Variants in APBB2 observed in about 807,000 individuals in gnomAD.
The protein encoded by APBB2 is Fe65-like 1.
In APBB2, 38 loss-of-function variants were observed where a neutral mutation model predicts 82.5. The observed-to-expected ratio is 0.46, with a 90% CI of 0.36 to 0.60. APBB2 has a LOEUF of 0.60. Ranked by LOEUF, APBB2 falls within the 20% of genes least tolerant of loss-of-function variation. The pLI, the probability that APBB2 is intolerant of heterozygous loss-of-function variation, is 0.00. For missense variants in APBB2, 772 were observed against 972.3 expected (o/e 0.79, Z 2.74); for synonymous variants, 341 against 368.2 (o/e 0.93, Z 0.85).
intron 6 of APBB2, among the ~76,000 whole-genome samples, chr4:40,956,977 A>T (rs557918556): frequency 6.6e-6 from 1 of 152,350 alleles, no homozygotes; most frequent in South Asian, 2.1e-4. Flanking sequence ...GGAGCTCTGT[A>T]GCCACACCAA....
chr4:40,864,159 CAGG>C (rs1283408706), intron 12 of APBB2, among the ~76,000 whole-genome samples: 3 of 151,972 alleles, frequency 2.0e-5, no homozygotes, highest in Admixed American at 6.6e-5. Flanking sequence ...GAGGCTGAGG[CAGG>C]AGAATTGCTT....
intron 2 of APBB2, among the ~76,000 whole-genome samples, chr4:41,101,709 C>G (rs1745508086): frequency 6.6e-6 from 1 of 151,996 alleles, no homozygotes; most frequent in African/African-American, 2.4e-5. Context: ...CCTATAATCC[C>G]AGCACTTTGG....
chr4:40,938,994 G>C (rs537866731), intron 7 of APBB2, among the ~76,000 whole-genome samples: 1 of 152,212 alleles, frequency 6.6e-6, no homozygotes, highest in Admixed American at 6.5e-5. Context: ...ATCAGAAGAG[G>C]AAGAGAGACC....
At chr4:41,065,102 C>A (rs1166886536) in intron 4 of APBB2, among the ~76,000 whole-genome samples, 1 of 152,052 alleles carries the variant, frequency 6.6e-6, no homozygotes, top group Admixed American at 6.6e-5. Context: ...GCCTGGGCAA[C>A]ACAGCAAGAC....
intron 6 of APBB2, among the ~76,000 whole-genome samples, chr4:41,000,724 T>C (rs1804972410): frequency 6.6e-6 from 1 of 152,152 alleles, no homozygotes; most frequent in South Asian, 2.1e-4. Flanking sequence ...GGTTAACATA[T>C]CACATTCCAG....
chr4:40,900,157 A>C (rs1018640420), intron 10 of APBB2, among the ~76,000 whole-genome samples: 4 of 152,266 alleles, frequency 2.6e-5, no homozygotes, highest in African/African-American at 9.6e-5. Flanking sequence ...CCTAATTAAC[A>C]GTCATCTATG....
intron 6 of APBB2, among the ~76,000 whole-genome samples, chr4:41,012,983 G>A (rs1362454608): frequency 6.6e-6 from 1 of 152,202 alleles, no homozygotes; most frequent in East Asian, 1.9e-4. Context: ...AATTAGACTA[G>A]TTAAAAGTCT....
intron 4 of APBB2, among the ~76,000 whole-genome samples, chr4:41,059,991 T>TA (rs1425335343): frequency 6.7e-6 from 1 of 149,182 alleles, no homozygotes; most frequent in South Asian, 2.1e-4. Context: ...CAAAAAAAAA[T>TA]AAAATAATAA....
rs532052924 is a variant in APBB2, at chr4:41,077,155, C to A, written c.-148-11482G>T. On this transcript the variant is annotated intron_variant, in intron 3 of 17. Coordinates refer to ENST00000508593, the MANE Select transcript of APBB2 (RefSeq NM_004307.2). ...GAGTAACTAGGACTACAGGCGCATA[C>A]CACCACACCCAGCTAATTTTTTTTT... Among the ~76,000 whole-genome samples the A allele has an allele frequency of 4.7e-5, 7 of 150,488 alleles. No individual in the cohort carries two copies. The South Asian group carries it at 1.5e-3, about 32-fold the overall frequency.
intron 3 of APBB2, among the ~76,000 whole-genome samples, chr4:41,067,638 A>G (rs1055606951): frequency 1.3e-5 from 2 of 152,234 alleles, no homozygotes; most frequent in African/African-American, 4.8e-5. Flanking sequence ...GAGAACACAC[A>G]TAACAGAATG....
At chr4:40,995,453 A>T (rs1803371776) in intron 6 of APBB2, among the ~76,000 whole-genome samples, 1 of 151,884 alleles carries the variant, frequency 6.6e-6, no homozygotes, top group Non-Finnish European at 1.5e-5. Flanking sequence ...ATAGTTTCAA[A>T]TGCCAGGGTC....
chr4:40,913,553 A>G (rs955734458), intron 10 of APBB2, among the ~76,000 whole-genome samples: 1 of 152,136 alleles, frequency 6.6e-6, no homozygotes, highest in African/African-American at 2.4e-5. Context: ...TACTTGCTAA[A>G]GTTTATTTGT....
At chr4:40,870,446 C>T (rs577693816) in intron 12 of APBB2, among the ~76,000 whole-genome samples, 41 of 152,336 alleles carry the variant, frequency 2.7e-4, no homozygotes, top group African/African-American at 9.9e-4. Context: ...CAGTGTGTAA[C>T]TGGCTCAGGG....
intron 3 of APBB2, among the ~76,000 whole-genome samples, chr4:41,067,225 C>G (rs1156359300): frequency 2.0e-5 from 3 of 152,114 alleles, no homozygotes; most frequent in Non-Finnish European, 4.4e-5. Context: ...GCCTGACCAA[C>G]AGGGAGAAAC....
chr4:41,023,057 AAATTCTTACTC>A (rs59064970), intron 5 of APBB2, among the ~76,000 whole-genome samples: 2,244 of 152,318 alleles, frequency 0.015, 56 homozygotes, highest in African/African-American at 0.049. Context: ...CAGCTCAAAT[AAATTCTTACTC>A]AACTCTACCG....
At chr4:41,178,912 T>C (rs1441975270) in intron 1 of APBB2, among the ~76,000 whole-genome samples, 1 of 152,194 alleles carries the variant, frequency 6.6e-6, no homozygotes, top group Non-Finnish European at 1.5e-5. Context: ...CCTCTGCAGT[T>C]TTTACACTTC....
chr4:40,912,461 C>T (rs1019689651), intron 10 of APBB2, among the ~76,000 whole-genome samples: 3 of 152,076 alleles, frequency 2.0e-5, no homozygotes, highest in African/African-American at 7.2e-5. Flanking sequence ...CCTGTAATCC[C>T]AGATACTCAG....
chr4:40,895,470 C>A (rs1773409206), intron 10 of APBB2, among the ~76,000 whole-genome samples: 1 of 152,242 alleles, frequency 6.6e-6, no homozygotes, highest in African/African-American at 2.4e-5. Context: ...CTGGCTGTGG[C>A]CAATTCAGAG....
chr4:41,159,960 GGAGAAGAAGAAGA>G (rs1560913320), intron 1 of APBB2, among the ~76,000 whole-genome samples: 11 of 72,208 alleles, frequency 1.5e-4, no homozygotes, highest in East Asian at 1.1e-3. Context: ...AGAAGGAGAA[GGAGAAGAAGAAGA>G]AGAAGAAGAA....
Sources: allele counts gnomAD v4.1 joint callset (sites outside exome capture counted in the v4.1 genomes callset), GRCh38; gene constraint gnomAD v4.1.1; transcripts MANE v1.5; gene names NCBI Gene and HGNC (gene_info 2026-07-23, HGNC 2026-07-21).